The following RAMP1 variants were observed in gnomAD, a reference collection of about 807,000 sequenced individuals.
The protein encoded by RAMP1 is receptor activity-modifying protein 1.
RAMP1 carries 7 observed loss-of-function variants against 8.2 expected under a neutral mutation model. The observed-to-expected ratio is 0.85, with a 90% CI of 0.49 to 1.60. The LOEUF (loss-of-function observed/expected upper bound fraction) is 1.60, where lower values mean the gene tolerates loss of function less well. Ranked by LOEUF, RAMP1 falls within the 40% of genes most tolerant of loss-of-function variation. RAMP1 has a pLI of 0.00. For synonymous variants in RAMP1, 92 were observed against 84.7 expected, an observed-to-expected ratio of 1.09 and a Z score of -0.47; for missense variants, 192 against 202.4, an observed-to-expected ratio of 0.95 and a Z score of 0.31.
chr2:237,911,765 C>T lies in RAMP1; in HGVS notation c.429C>T (p.Arg143=), dbSNP rs1370555324. Residue 143 remains arginine, a synonymous_variant, in exon 3 of 3, where the codon CGC becomes CGT. Transcript: ENST00000254661. ...CACTGGTGGTCTGGCAGAGCAAGCG[C>T]ACTGAGGGCATTGTGTAGGCGGGGC... is the stretch of plus-strand genomic sequence containing the variant. The part of the protein sequence containing the change: ...VTALVVWQSK[R]TEGIV 1.2e-6 allele frequency: 2 copies of T among 1,609,922 alleles called. No homozygotes were observed. Among genetic ancestry groups the T allele is most frequent in the East Asian group, 2.2e-5 (1 of 44,706 alleles).
chr2:237,896,645 C>CT (rs1244499757), intron 2 of RAMP1, among the ~76,000 whole-genome samples: 1 of 152,194 alleles, frequency 6.6e-6, no homozygotes, highest in Non-Finnish European at 1.5e-5. Context: ...TTTTCTTAGA[C>CT]TTTGTTTTGT....
At position 237,878,978 on chromosome 2, in the gene RAMP1, CT is replaced by C. The variant is rs148763797; in HGVS notation, c.191+1617del. 2.7e-3 allele frequency among the ~76,000 whole-genome samples: 414 copies of C among 152,316 alleles called. 3 individuals carry two copies. Among genetic ancestry groups the C allele is most frequent in the African/African-American group, 9.5e-3 (396 of 41,566 alleles). On this transcript the variant is annotated intron_variant, in intron 2 of 2. Transcript: ENST00000254661. This position sits in a 1 kb window ranked among gnomAD's most constrained non-coding sequence, Gnocchi z 5.7. ...CTGGGGTCTCCAGGGGCCCTGTGCC[CT>C]CAGCAGGGTCTCCTCACTCTACTGT...
intron 2 of RAMP1, among the ~76,000 whole-genome samples, chr2:237,908,205 C>T (rs886084032): frequency 1.1e-4 from 16 of 152,182 alleles, no homozygotes; most frequent in African/African-American, 3.1e-4. Context: ...CACTTTCTCT[C>T]GGCAGTAGAC....
chr2:237,880,203 C>T (rs1457658548), intron 2 of RAMP1, among the ~76,000 whole-genome samples: 3 of 152,070 alleles, frequency 2.0e-5, no homozygotes, highest in Non-Finnish European at 4.4e-5. Context: ...GAATTGGTGA[C>T]ACTAATCAGG....
intron 2 of RAMP1, among the ~76,000 whole-genome samples, chr2:237,883,833 AAAG>A (rs1232936645): frequency 2.0e-5 from 3 of 149,842 alleles, no homozygotes; most frequent in Non-Finnish European, 3.0e-5. Flanking sequence ...AAAAAAAAGA[AAAG>A]AAAAGAAAAA....
rs148645545 is a variant in RAMP1, at chr2:237,875,016, G to A, written c.53-2208G>A. 1.5e-3 allele frequency among the ~76,000 whole-genome samples: 225 copies of A among 152,282 alleles called. 1 individual carries two copies. Among genetic ancestry groups the A allele is most frequent in the Admixed American group, 3.3e-3 (51 of 15,304 alleles). ...AGTGGGGGGCGGGATGCCAGGAGCA[G>A]TGAGGGATAAACAGAGGGACGATTC... On this transcript the variant is annotated intron_variant, in intron 1 of 2. Transcript: ENST00000254661.
chr2:237,885,275 G>C (rs2062416506), intron 2 of RAMP1, among the ~76,000 whole-genome samples: 1 of 152,178 alleles, frequency 6.6e-6, no homozygotes, highest in Non-Finnish European at 1.5e-5. Context: ...CTGGATTTCT[G>C]CTGAGCTCGA....
chr2:237,877,424 G>A lies in RAMP1; in HGVS notation c.191+62G>A. On this transcript the variant is annotated intron_variant, in intron 2 of 2. Transcript: ENST00000254661. This position sits in a 1 kb window ranked among gnomAD's most constrained non-coding sequence, Gnocchi z 4.4. ...GGGGAGGGAGAGGGGGCAAGCGGAG[G>A]AGGAGTGGACCACGTGGGAGCTGTG... 2 of 1,569,112 alleles carry A rather than the reference G, an allele frequency of 1.3e-6. No homozygotes were observed. Among genetic ancestry groups the A allele is most frequent in the Admixed American group, 1.8e-5 (1 of 56,402 alleles).
intron 1 of RAMP1, among the ~76,000 whole-genome samples, chr2:237,868,136 C>T (rs2062208389): frequency 6.6e-6 from 1 of 152,000 alleles, no homozygotes; most frequent in East Asian, 1.9e-4. Flanking sequence ...CTCCACCTCC[C>T]AAGTTCAAGT....
In RAMP1 at chr2:237,877,201, C is replaced by T; in HGVS notation, c.53-23C>T. 1 of 1,613,438 alleles carries T rather than the reference C, an allele frequency of 6.2e-7. No individual in the cohort carries two copies. Among genetic ancestry groups the T allele is most frequent in the Non-Finnish European group, 8.5e-7 (1 of 1,180,002 alleles). Reference sequence around the variant, plus strand: ...AGGCCTCTGCTGCCGCCCGCCATCTCTTCATGGCCGTGTCTATTTCAGCCC... The same window carrying T: ...AGGCCTCTGCTGCCGCCCGCCATCTTTTCATGGCCGTGTCTATTTCAGCCC... On this transcript the variant is annotated intron_variant, in intron 1 of 2. Coordinates refer to ENST00000254661, the MANE Select transcript of RAMP1 (RefSeq NM_005855.4). This position sits in a 1 kb window ranked among gnomAD's most constrained non-coding sequence, Gnocchi z 4.4.
Position 237,862,624 on chromosome 2 carries a change from G to C in RAMP1, c.52+2897G>C, listed in dbSNP as rs1250030517. The stretch of plus-strand genomic sequence containing the variant: ...GTGTGATGCAGGTGCCATGTGTAGT[G>C]TGAATTCCAGCGGAAATGCTGAGCC... On this transcript the variant is annotated intron_variant, in intron 1 of 2. Coordinates refer to ENST00000254661, the MANE Select transcript of RAMP1 (RefSeq NM_005855.4). The surrounding 1 kb of genome is among the most constrained non-coding windows in gnomAD (Gnocchi z 4.0). Among the ~76,000 whole-genome samples the C allele has an allele frequency of 6.6e-6, 1 of 152,218 alleles. No homozygotes were observed. The highest frequency in any genetic ancestry group is 2.4e-5 in the African/African-American group (1 of 41,444).
chr2:237,859,695 G>C lies in RAMP1; in HGVS notation c.20G>C (p.Arg7Pro). 1 of 1,511,264 alleles carries C rather than the reference G, an allele frequency of 6.6e-7. No individual in the cohort carries two copies. Among genetic ancestry groups the C allele is most frequent in the Non-Finnish European group, 8.8e-7 (1 of 1,130,672 alleles). 93.6% of individuals were successfully genotyped at this position (1,511,264 alleles called of 1,614,324 possible). Residue 7 changes from arginine (R) to proline (P), a missense_variant, in exon 1 of 3, where the codon CGC becomes CCC. Arg to Pro is a moderately radical substitution (Grantham distance 103). Transcript: ENST00000254661. The stretch of plus-strand genomic sequence containing the variant: ...TGCACCATGGCCCGGGCCCTGTGCC[G>C]CCTCCCGCGGCGCGGCCTCTGGCTG... MARALC[R>P]LPRRGLWLLL...
intron 2 of RAMP1, among the ~76,000 whole-genome samples, chr2:237,890,658 T>A (rs1046011666): frequency 6.6e-6 from 1 of 152,286 alleles, no homozygotes. Context: ...TTTTAACGGT[T>A]ATCTTCATCT....
Position 237,911,668 on chromosome 2 carries a change from TGCGGGA to T in RAMP1, c.333_338del (p.Arg112_Asp113del), listed in dbSNP as rs767376888. ...AGCTGCCCCATCTCAGGCAGGGCCG[TGCGGGA>T]CCCGCCCGGCAGCATCCTCTACCCC... On this transcript the variant is annotated inframe_deletion, in exon 3 of 3. Coordinates refer to ENST00000254661, the MANE Select transcript of RAMP1 (RefSeq NM_005855.4). 290 of 1,614,020 alleles carry T rather than the reference TGCGGGA, an allele frequency of 1.8e-4. No homozygotes were observed. Among genetic ancestry groups the T allele is most frequent in the Middle Eastern group, 6.6e-4 (4 of 6,062 alleles).
chr2:237,896,407 G>A (rs1021390536), intron 2 of RAMP1, among the ~76,000 whole-genome samples: 15 of 152,146 alleles, frequency 9.9e-5, no homozygotes, highest in African/African-American at 3.6e-4. Flanking sequence ...ATTCCTCCCC[G>A]GCCTGGGGCC....
At chr2:237,872,420 G>A (rs1469268858) in intron 1 of RAMP1, among the ~76,000 whole-genome samples, 1 of 152,208 alleles carries the variant, frequency 6.6e-6, no homozygotes, top group Non-Finnish European at 1.5e-5. Context: ...CGCGTGCCCA[G>A]TGAGAGCCCC....
intron 1 of RAMP1, among the ~76,000 whole-genome samples, chr2:237,871,358 G>C (rs1485537094): frequency 6.6e-6 from 1 of 152,182 alleles, no homozygotes; most frequent in African/African-American, 2.4e-5. Context: ...GAAGCAATGG[G>C]GAGATATCCC....
At chr2:237,911,436 C>G in intron 2 of RAMP1, 92 bp from the exon 3 acceptor site, 2 of 1,520,484 alleles carry the variant, frequency 1.3e-6, no homozygotes, top group Non-Finnish European at 1.8e-6. Flanking sequence ...TTCAGGGCTG[C>G]ATGAGGGGCC....
intron 2 of RAMP1, among the ~76,000 whole-genome samples, chr2:237,909,687 G>A (rs569823204): frequency 1.3e-5 from 2 of 152,262 alleles, no homozygotes; most frequent in East Asian, 1.9e-4. Flanking sequence ...TCCTGGGTTG[G>A]AAGATGACAC....
Sources: allele counts gnomAD v4.1 joint callset (sites outside exome capture counted in the v4.1 genomes callset), GRCh38; gene constraint gnomAD v4.1.1; non-coding constraint Gnocchi (gnomAD v3.1); transcripts MANE v1.5; gene names NCBI Gene and HGNC (gene_info 2026-07-23, HGNC 2026-07-21).